The following MAPK14 variants were observed in gnomAD, a reference collection of about 807,000 sequenced individuals.
MAPK14 encodes CSAID-binding protein.
A neutral mutation model predicts 49.6 loss-of-function variants in MAPK14; 16 were observed. The observed-to-expected ratio is 0.32, with a 90% CI of 0.22 to 0.49. The LOEUF (loss-of-function observed/expected upper bound fraction) is 0.49, where lower values mean the gene tolerates loss of function less well. Among genes scored for constraint, MAPK14 ranks in the 20% least tolerant of loss-of-function variants. MAPK14 has a pLI of 0.99. For synonymous variants in MAPK14, 142 were observed against 158.0 expected (o/e 0.90, Z 0.76); for missense variants, 200 against 441.2 (o/e 0.45, Z 4.90).
intron 8 of MAPK14, among the ~76,000 whole-genome samples, chr6:36,083,664 A>G (rs1405625437): frequency 1.3e-5 from 2 of 152,172 alleles, no homozygotes; most frequent in Admixed American, 1.3e-4. Flanking sequence ...CGGGAATTTC[A>G]GCAACTCCAG....
At position 36,074,080 on chromosome 6, in the gene MAPK14, A is replaced by G; in HGVS notation, c.479A>G (p.Glu160Gly). 6.2e-7 allele frequency: 1 copy of G among 1,613,118 alleles called. No individual in the cohort carries two copies. The highest frequency in any genetic ancestry group is 8.5e-7 in the Non-Finnish European group (1 of 1,179,226). The change falls in exon 6 of 12, where the codon GAA becomes GGA. Residue 160 changes from glutamate to glycine, a missense_variant. Coordinates refer to ENST00000229794, the MANE Select transcript of MAPK14 (RefSeq NM_139012.3). The stretch of plus-strand genomic sequence containing the variant: ...AAACCTAGTAATCTAGCTGTGAATG[A>G]AGACTGTGAGCTGAAGGTAAAATGA... ...DLKPSNLAVN[E>G]DCELKILDFG...
chr6:36,063,424 C>CA (rs1177908265), intron 3 of MAPK14, among the ~76,000 whole-genome samples: 1 of 152,042 alleles, frequency 6.6e-6, no homozygotes. Context: ...CCCTTCTCTA[C>CA]AAAAAAATTT....
intron 8 of MAPK14, among the ~76,000 whole-genome samples, chr6:36,084,250 G>GA (rs1314788624): frequency 6.6e-6 from 1 of 152,134 alleles, no homozygotes; most frequent in Non-Finnish European, 1.5e-5. Flanking sequence ...AAGAATCAAT[G>GA]AAAAAACGCT....
chr6:36,059,296 G>T lies in MAPK14; in HGVS notation c.254G>T (p.Gly85Val). Residue 85 changes from glycine to valine, a missense_variant, in exon 3 of 12, where the codon GGT (glycine) becomes GTT (valine). By Grantham distance (109) the Gly-to-Val change is moderately radical. Transcript: ENST00000229794. ...TTTTATATTTTCTTACAGGTGATTG[G>T]TCTGTTGGACGTTTTTACACCTGCA... ...LKHMKHENVI[G>V]LLDVFTPARS... is the part of the protein sequence containing the mutation. 6.2e-7 allele frequency: 1 copy of T among 1,602,378 alleles called. No homozygotes were observed. Among genetic ancestry groups the T allele is most frequent in the Middle Eastern group, 1.7e-4 (1 of 6,012 alleles).
Position 36,028,457 on chromosome 6 carries a change from G to T in MAPK14, c.116+184G>T, listed in dbSNP as rs1263430389. On this transcript the variant is annotated intron_variant, in intron 1 of 11. Coordinates refer to ENST00000229794, the MANE Select transcript of MAPK14 (RefSeq NM_139012.3). The surrounding 1 kb of genome is among the most constrained non-coding windows in gnomAD (Gnocchi z 5.1). ...CACCCCTCGCCCTGCACTCACGCAGGTATGCGGTCCACCGTGTGCAGCACT... is the reference window on the plus strand; with the variant it reads ...CACCCCTCGCCCTGCACTCACGCAGTTATGCGGTCCACCGTGTGCAGCACT... Among the ~76,000 whole-genome samples the T allele has an allele frequency of 6.6e-6, 1 of 152,246 alleles. No homozygotes were observed. The highest frequency in any genetic ancestry group is 1.5e-5 in the Non-Finnish European group (1 of 68,046).
chr6:36,091,158 GT>G (rs2127462229), intron 8 of MAPK14, among the ~76,000 whole-genome samples: 1 of 152,050 alleles, frequency 6.6e-6, no homozygotes, highest in African/African-American at 2.4e-5. Context: ...GCCTGTGGAG[GT>G]TTTTTAGGAG....
chr6:36,101,615 G>A (rs375536306), intron 9 of MAPK14, among the ~76,000 whole-genome samples: 159 of 151,896 alleles, frequency 1.0e-3, no homozygotes, highest in African/African-American at 3.7e-3. Flanking sequence ...CCCTGCTCAA[G>A]CGATCCTGTT....
intron 8 of MAPK14, among the ~76,000 whole-genome samples, chr6:36,079,983 G>T (rs1764686418): frequency 6.6e-6 from 1 of 150,694 alleles, no homozygotes; most frequent in Non-Finnish European, 1.5e-5. Flanking sequence ...TTGCTTTGTT[G>T]CCCACGCTGG....
At chr6:36,060,452 G>A (rs1471600166) in intron 3 of MAPK14, among the ~76,000 whole-genome samples, 1 of 152,184 alleles carries the variant, frequency 6.6e-6, no homozygotes, top group Non-Finnish European at 1.5e-5. Context: ...CTTAAACACA[G>A]TTATACTTTT....
downstream of MAPK14, among the ~76,000 whole-genome samples, chr6:36,112,210 A>C (rs1253488856): frequency 1.3e-5 from 2 of 152,056 alleles, no homozygotes; most frequent in Non-Finnish European, 2.9e-5. Context: ...CGTCTCAAAA[A>C]AAAAAAAAGA....
In MAPK14 at chr6:36,028,790, C is replaced by CTTTTTT. The variant is rs1562090295; in HGVS notation, c.116+517_116+518insTTTTTT. ...GACCAGGAAGGGAGCTCTCTCCGGG[C>CTTTTTT]CTTTTTTTTTTTTTTTTTTTTTCAA... On this transcript the variant is annotated intron_variant, in intron 1 of 11. Transcript: ENST00000229794. This position sits in a 1 kb window ranked among gnomAD's most constrained non-coding sequence, Gnocchi z 5.1. Among the ~76,000 whole-genome samples the CTTTTTT allele has an allele frequency of 1.0e-4, 14 of 137,482 alleles. No homozygotes were observed. Among genetic ancestry groups the CTTTTTT allele is most frequent in the African/African-American group, 3.4e-4 (12 of 35,316 alleles). The allele number at this position is 137,482 out of a possible 152,430, so 90.2% of individuals were successfully genotyped here.
At chr6:36,033,877 G>A (rs1762639596) in intron 1 of MAPK14, among the ~76,000 whole-genome samples, 2 of 152,304 alleles carry the variant, frequency 1.3e-5, no homozygotes, top group South Asian at 4.1e-4. Flanking sequence ...GATTTTTGCA[G>A]TTTATAAAGT....
chr6:36,092,233 C>A (rs1362895691), intron 8 of MAPK14: 3 of 562,378 alleles, frequency 5.3e-6, no homozygotes, highest in Admixed American at 3.8e-5. Flanking sequence ...GTGTGTGGTA[C>A]AGTTTGACAA....
In MAPK14 at chr6:36,027,935, G is replaced by A. The variant is rs1479690226; in HGVS notation, c.-223G>A. ...GTCTTGAGCGCCGGAGCGCGTCCCTGCCCTTAGCGGGGCTTGCCCCAGTCG... is the reference window on the plus strand; with the variant it reads ...GTCTTGAGCGCCGGAGCGCGTCCCTACCCTTAGCGGGGCTTGCCCCAGTCG... On this transcript the variant is annotated 5_prime_UTR_variant, in exon 1 of 12. Transcript: ENST00000229794. 2.3e-6 allele frequency: 1 copy of A among 425,964 alleles called. No homozygotes were observed. The highest frequency in any genetic ancestry group is 4.1e-6 in the Non-Finnish European group (1 of 245,382). The allele number at this position is 425,964 out of a possible 1,614,324, so 26.4% of individuals were successfully genotyped here.
chr6:36,100,059 C>T (rs779436412), intron 9 of MAPK14: 4 of 656,294 alleles, frequency 6.1e-6, no homozygotes, highest in Non-Finnish European at 1.1e-5. Flanking sequence ...TGTGGGCTCT[C>T]GGGTAGGGGG....
At chr6:36,091,317 T>C (rs975967088) in intron 8 of MAPK14, among the ~76,000 whole-genome samples, 13 of 152,176 alleles carry the variant, frequency 8.5e-5, no homozygotes, top group African/African-American at 3.1e-4. Flanking sequence ...GTCTAAAGAG[T>C]AATCTTAGGC....
At chr6:36,112,662 A>G (rs1324318322), downstream of MAPK14, among the ~76,000 whole-genome samples, 1 of 152,190 alleles carries the variant, frequency 6.6e-6, no homozygotes, top group Non-Finnish European at 1.5e-5. Flanking sequence ...ATTCTTTTTT[A>G]TAAGTATCTA....
rs980770530 is a variant in MAPK14, at chr6:36,048,619, G to C, written c.117-4080G>C. 4.9e-4 allele frequency among the ~76,000 whole-genome samples: 74 copies of C among 152,200 alleles called. 2 individuals are homozygous for C. On this transcript the variant is annotated intron_variant, in intron 1 of 11. Transcript: ENST00000229794. ...CGTCTTTTGGAGGTGAAAACCATGAGACTTGCCAATAGATTTGAATGAGGA... is the reference window on the plus strand; with the variant it reads ...CGTCTTTTGGAGGTGAAAACCATGACACTTGCCAATAGATTTGAATGAGGA...
At chr6:36,105,392 A>G (rs1225131511) in intron 10 of MAPK14, among the ~76,000 whole-genome samples, 1 of 151,126 alleles carries the variant, frequency 6.6e-6, no homozygotes, top group African/African-American at 2.4e-5. Context: ...ACAGGCACAT[A>G]ATGCCATGCC....
Sources: allele counts gnomAD v4.1 joint callset (sites outside exome capture counted in the v4.1 genomes callset), GRCh38; gene constraint gnomAD v4.1.1; non-coding constraint Gnocchi (gnomAD v3.1); transcripts MANE v1.5; gene names NCBI Gene and HGNC (gene_info 2026-07-23, HGNC 2026-07-21).